The following LIMCH1 variants were observed in gnomAD, a reference collection of about 807,000 sequenced individuals.
The protein encoded by LIMCH1 is LIM and calponin homology domains-containing protein 1.
Under a neutral mutation model 176.5 loss-of-function variants are expected in LIMCH1, and 113 were observed. The ratio of observed to expected loss-of-function variants is 0.64; its 90% CI spans 0.55 to 0.75. The LOEUF (loss-of-function observed/expected upper bound fraction) is 0.75. Ranked by LOEUF, LIMCH1 falls within the 30% of genes least tolerant of loss-of-function variation. The probability of loss-of-function intolerance (pLI) is 0.00; values close to 1 mark genes in which losing one functional copy is unlikely to be tolerated. For synonymous variants in LIMCH1, 619 were observed against 645.9 expected (o/e 0.96, Z 0.63); for missense variants, 1,674 against 1,814.9 (o/e 0.92, Z 1.41).
rs1583968530 is a variant in LIMCH1 at position 41,552,934 on chromosome 4, T to C, written c.-241+14584T>C. Among the ~76,000 whole-genome samples the C allele has an allele frequency of 3.9e-5, 6 of 152,306 alleles. No individual in the cohort carries two copies. The South Asian group carries it at 1.2e-3, about 32-fold the overall frequency. On this transcript the variant is annotated intron_variant, in intron 1 of 31. Transcript: ENST00000503057. The stretch of plus-strand genomic sequence containing the variant: ...ATTTTAATTATTTGAGGTGAGCTGT[T>C]TAAAAAAATAAAAGTGCAAAGTGCT...
At chr4:41,531,474 TCACACACACACACACACACACA>T (rs59275736) in intron 3 of LIMCH1, among the ~76,000 whole-genome samples, 1 of 126,986 alleles carries the variant, frequency 7.9e-6, no homozygotes, top group Non-Finnish European at 1.6e-5. Context: ...TCTTTCTCTG[TCACACACACACACACACACACA>T]CACACACACA....
intron 1 of LIMCH1, among the ~76,000 whole-genome samples, chr4:41,465,959 T>A (rs1418451876): frequency 6.8e-6 from 1 of 146,982 alleles, no homozygotes; most frequent in Non-Finnish European, 1.5e-5. Context: ...TGGCTCTTTT[T>A]TTTTTTTTTT....
Position 41,633,007 on chromosome 4 carries a change from A to G in LIMCH1, c.1751A>G (p.Lys584Arg). ...VTSKQLPQDG[K>R]EETESAPRDS... ...TCCAAACAGCTGCCACAGGATGGCA[A>G]AGAAGAAACAGAAAGCGCTCCAAGA... The change falls in exon 12 of 32, where the codon AAA becomes AGA. Residue 584 changes from lysine to arginine, a missense_variant. Lys to Arg is a conservative substitution (Grantham distance 26, BLOSUM62 2). Transcript: ENST00000503057. The G allele has an allele frequency of 1.3e-6, 2 of 1,536,132 alleles. No individual in the cohort carries two copies. The highest frequency in any genetic ancestry group is 8.7e-7 in the Non-Finnish European group (1 of 1,146,928).
At chr4:41,474,727 A>G (rs1464315674) in intron 1 of LIMCH1, among the ~76,000 whole-genome samples, 1 of 152,226 alleles carries the variant, frequency 6.6e-6, no homozygotes, top group African/African-American at 2.4e-5. Context: ...TGTTGGTGGT[A>G]TTGTAAATTA....
Position 41,553,094 on chromosome 4 carries a change from C to T in LIMCH1, c.-241+14744C>T, listed in dbSNP as rs73810258. On this transcript the variant is annotated intron_variant, in intron 1 of 31. Transcript: ENST00000503057. ...CAGGCGCTACAAGAATCTCTTCTCT[C>T]CCTTCTGGAGTGATGGCCAGTTGGT... is the stretch of plus-strand genomic sequence containing the variant. 9.1e-3 allele frequency among the ~76,000 whole-genome samples: 1,386 copies of T among 152,322 alleles called. 20 individuals carry two copies. The highest frequency in any genetic ancestry group is 0.031 in the African/African-American group (1,269 of 41,562).
intron 20 of LIMCH1, among the ~76,000 whole-genome samples, chr4:41,664,954 CA>C (rs1365568723): frequency 6.6e-6 from 1 of 152,080 alleles, no homozygotes; most frequent in Non-Finnish European, 1.5e-5. Flanking sequence ...CATGTGGTGC[CA>C]AATATATATA....
intron 10 of LIMCH1, among the ~76,000 whole-genome samples, 181 bp from the exon 11 acceptor site, chr4:41,632,568 C>A (rs2093381076): frequency 6.6e-6 from 1 of 152,134 alleles, no homozygotes; most frequent in African/African-American, 2.4e-5. Context: ...CTTCATAGGC[C>A]CTAGCCAGAG....
rs927133279 is a variant in LIMCH1 at position 41,697,063 on chromosome 4, T to C, written c.4379-97T>C. ...TTCTGGTCCCCAGGAAGAGGAGACT[T>C]TGGTAAAGGCAGTTGCTCATTAGGG... On this transcript the variant is annotated intron_variant, in intron 31 of 31. Coordinates refer to ENST00000503057, the MANE Select transcript of LIMCH1 (RefSeq NM_001330672.2). The C allele has an allele frequency of 1.7e-5, 22 of 1,272,266 alleles. No homozygotes were observed. In the African/African-American group the frequency reaches 3.2e-4, roughly 19 times the overall value. The allele number at this position is 1,272,266 out of a possible 1,614,324, so 78.8% of individuals were successfully genotyped here. A position where few individuals can be genotyped will look rare whatever the true frequency, so the allele number is the denominator to read the frequency against.
intron 1 of LIMCH1, among the ~76,000 whole-genome samples, chr4:41,484,653 C>T (rs1199132773): frequency 5.3e-5 from 8 of 152,142 alleles, no homozygotes; most frequent in Admixed American, 3.3e-4. Flanking sequence ...GAGGAAATCA[C>T]GGTCTTCTGA....
At chr4:41,680,305 G>A (rs966300617) in intron 24 of LIMCH1, among the ~76,000 whole-genome samples, 4 of 152,208 alleles carry the variant, frequency 2.6e-5, no homozygotes, top group Admixed American at 6.5e-5. Context: ...TGATAAGGGT[G>A]TGTTGAGTCA....
rs759820730 is a variant in LIMCH1, at chr4:41,619,747, G to A, written c.458+307G>A. On this transcript the variant is annotated intron_variant, in intron 6 of 31. Transcript: ENST00000503057. The stretch of plus-strand genomic sequence containing the variant: ...AAATCTGTCATCCTTGTCCTTCTGC[G>A]GAGACTGCTTGACTCCCAATCCTGT... The A allele has an allele frequency of 3.8e-5, 15 of 394,892 alleles. No individual in the cohort carries two copies. In the South Asian group the frequency reaches 4.0e-4, roughly 10 times the overall value. The allele number at this position is 394,892 out of a possible 1,614,324, so 24.5% of individuals were successfully genotyped here.
chr4:41,543,386 T>C (rs1197952315), intron 1 of LIMCH1, among the ~76,000 whole-genome samples: 1 of 152,194 alleles, frequency 6.6e-6, no homozygotes. Flanking sequence ...CCTGTGGAGA[T>C]AGTGTTTTTT....
intron 1 of LIMCH1, among the ~76,000 whole-genome samples, chr4:41,590,317 C>G (rs1168811973): frequency 6.6e-6 from 1 of 152,120 alleles, no homozygotes; most frequent in East Asian, 1.9e-4. Context: ...TCTCGAACTT[C>G]TGGGCTCAGG....
chr4:41,598,845 C>T (rs886288621), intron 1 of LIMCH1, 75 bp from the exon 2 acceptor site: 24 of 876,944 alleles, frequency 2.7e-5, no homozygotes, highest in Non-Finnish European at 4.2e-5. Flanking sequence ...AGTATCCCTA[C>T]AGCAACTTGG....
intron 31 of LIMCH1, among the ~76,000 whole-genome samples, chr4:41,694,787 G>C (rs114610301): frequency 1.6e-3 from 237 of 152,140 alleles, no homozygotes; most frequent in Non-Finnish European, 2.8e-3. Context: ...GACGTAAAAG[G>C]CATGTGCTTT....
intron 1 of LIMCH1, among the ~76,000 whole-genome samples, chr4:41,554,432 T>C (rs528704503): frequency 6.6e-6 from 1 of 152,160 alleles, no homozygotes; most frequent in South Asian, 2.1e-4. Flanking sequence ...CTATGAGATG[T>C]TGTTTCTGGA....
At chr4:41,376,008 A>T (rs138185822) in intron 1 of LIMCH1, among the ~76,000 whole-genome samples, 1 of 152,336 alleles carries the variant, frequency 6.6e-6, no homozygotes, top group East Asian at 1.9e-4. Context: ...AGTATGTAGA[A>T]AATATGTTTT....
intron 1 of LIMCH1, among the ~76,000 whole-genome samples, chr4:41,591,305 G>A (rs1019035736): frequency 1.3e-5 from 2 of 151,894 alleles, no homozygotes; most frequent in African/African-American, 4.8e-5. Context: ...ACAGTGGTGC[G>A]ATCATAGCTC....
In LIMCH1 at chr4:41,647,696, A is replaced by G. The variant is rs2094123302; in HGVS notation, c.2820+803A>G. Among the ~76,000 whole-genome samples, 4 of 152,382 alleles carry G rather than the reference A, an allele frequency of 2.6e-5. No individual in the cohort carries two copies. The South Asian group carries it at 8.3e-4, about 32-fold the overall frequency. On this transcript the variant is annotated intron_variant, in intron 17 of 31. Coordinates refer to ENST00000503057, the MANE Select transcript of LIMCH1 (RefSeq NM_001330672.2). ...GAATGCATCACTTGGAGATGTGACC[A>G]TTAGATAGAAAAGTTTTCGTAACTG...
Sources: allele counts gnomAD v4.1 joint callset (sites outside exome capture counted in the v4.1 genomes callset), GRCh38; gene constraint gnomAD v4.1.1; transcripts MANE v1.5; gene names NCBI Gene and HGNC (gene_info 2026-07-23, HGNC 2026-07-21).